Variants in RASL11B observed in about 807,000 individuals in gnomAD.
RASL11B encodes the protein ras-like protein family member 11B.
A neutral mutation model predicts 22.9 loss-of-function variants in RASL11B; 14 were observed. That is an observed-to-expected ratio of 0.61 (90% CI 0.40 to 0.96). The LOEUF (loss-of-function observed/expected upper bound fraction) is 0.96. RASL11B is among the 40% of genes least tolerant of loss of function. RASL11B has a pLI of 0.00. For missense variants in RASL11B, 261 were observed against 322.0 expected (o/e 0.81, Z 1.45); for synonymous variants, 143 against 130.2 (o/e 1.10, Z -0.67).
At chr4:52,863,459 T>C in intron 2 of RASL11B, 135 bp downstream of exon 2, 3 of 695,656 alleles carry the variant, frequency 4.3e-6, no homozygotes, top group Non-Finnish European at 7.6e-6. Flanking sequence ...CTTTCCCCAG[T>C]CCCCAGCCCT....
rs374819132 is a variant in RASL11B, at chr4:52,865,548, C to T, written c.490C>T (p.Pro164Ser). ...CCTGTTGCACATCAAACAGGTTGAC[C>T]CTCAGCTTGGACTGCAGCTAGCCAG... ...ADLLHIKQVD[P>S]QLGLQLASML... The change falls in exon 4 of 4, where the codon CCT becomes TCT. Residue 164 changes from proline (P) to serine (S), a missense_variant. Physicochemically the swap from Pro to Ser is moderately conservative, Grantham distance 74 (BLOSUM62 -1). Transcript: ENST00000248706. 6.8e-6 allele frequency: 11 copies of T among 1,614,056 alleles called. No individual in the cohort carries two copies. The highest frequency in any genetic ancestry group is 8.5e-6 in the Non-Finnish European group (10 of 1,180,046).
chr4:52,862,567 G>T lies in RASL11B; in HGVS notation c.60G>T (p.Ala20=), dbSNP rs778150571. ...AGTACCCCGCGCCGGGCAACGCCGCGGCCTCCGACTGCTGTGTGGGCGCCG... is the reference window on the plus strand; with the variant it reads ...AGTACCCCGCGCCGGGCAACGCCGCTGCCTCCGACTGCTGTGTGGGCGCCG... ...IAEYPAPGNA[A]ASDCCVGAAG... Residue 20 remains alanine, a synonymous_variant, in exon 1 of 4, where the codon GCG becomes GCT. Transcript: ENST00000248706. 10 of 1,604,034 alleles carry T rather than the reference G, an allele frequency of 6.2e-6. No homozygotes were observed. In the South Asian group the frequency reaches 1.1e-4, roughly 18 times the overall value.
Position 52,865,751 on chromosome 4 carries a change from G to A in RASL11B, c.693G>A (p.Lys231=), listed in dbSNP as rs192574771. The A allele has an allele frequency of 3.1e-6, 5 of 1,613,922 alleles. No individual in the cohort carries two copies. Among genetic ancestry groups the A allele is most frequent in the Non-Finnish European group, 4.2e-6 (5 of 1,180,036 alleles). The stretch of plus-strand genomic sequence containing the variant: ...AGTCACCCAACATGCAGGACCTGAA[G>A]AGGAGGTTTAAGCAAGCCCTCTCTG... The part of the protein sequence containing the change: ...RPKSPNMQDL[K]RRFKQALSAK... The change falls in exon 4 of 4, where the codon AAG becomes AAA. Residue 231 remains lysine, a synonymous_variant. Coordinates refer to ENST00000248706, the MANE Select transcript of RASL11B (RefSeq NM_023940.3).
In RASL11B at chr4:52,862,379, T is replaced by G; in HGVS notation, c.-129T>G. 2.3e-4 allele frequency: 65 copies of G among 286,478 alleles called. No individual in the cohort carries two copies. The highest frequency in any genetic ancestry group is 3.0e-4 in the Non-Finnish European group (50 of 167,118). 17.7% of individuals were successfully genotyped at this position (286,478 alleles called of 1,614,324 possible). On this transcript the variant is annotated 5_prime_UTR_variant, in exon 1 of 4. Coordinates refer to ENST00000248706, the MANE Select transcript of RASL11B (RefSeq NM_023940.3). ...CGCTCGGCCCCACCCCGCCCGTACCTGCACTTATTTATTGTTGTTATTTCT... is the reference window on the plus strand; with the variant it reads ...CGCTCGGCCCCACCCCGCCCGTACCGGCACTTATTTATTGTTGTTATTTCT...
intron 2 of RASL11B, 54 bp downstream of exon 2, chr4:52,863,378 C>A: frequency 6.8e-7 from 1 of 1,462,300 alleles, no homozygotes; most frequent in Non-Finnish European, 9.5e-7. Context: ...GACTGCGGTT[C>A]CCATTTTCCA....
At chr4:52,862,851 G>A (rs1718185309) in intron 1 of RASL11B, among the ~76,000 whole-genome samples, 1 of 152,232 alleles carries the variant, frequency 6.6e-6, no homozygotes, top group South Asian at 2.1e-4. Flanking sequence ...CAAGGATCAA[G>A]AATGGCCAGG....
At chr4:52,863,620 C>T (rs996538156) in intron 2 of RASL11B, 1 of 349,698 alleles carries the variant, frequency 2.9e-6, no homozygotes, top group Non-Finnish European at 5.3e-6. Flanking sequence ...AGAACCTCTC[C>T]CTTCAAAACA....
At position 52,865,913 on chromosome 4, in the gene RASL11B, C is replaced by A; in HGVS notation, c.*108C>A. On this transcript the variant is annotated 3_prime_UTR_variant, in exon 4 of 4. Transcript: ENST00000248706. ...CAATGATTCCTGGTTCCAGAAAGGG[C>A]TGGAGCAGAAGGGCCAAGAGGGCCT... 1 of 841,610 alleles carries A rather than the reference C, an allele frequency of 1.2e-6. No homozygotes were observed. Among genetic ancestry groups the A allele is most frequent in the Non-Finnish European group, 1.8e-6 (1 of 542,354 alleles). 52.1% of individuals were successfully genotyped at this position (841,610 alleles called of 1,614,324 possible). A position where few individuals can be genotyped will look rare whatever the true frequency, so the allele number is the denominator to read the frequency against.
rs1718265884 is a variant in RASL11B, at chr4:52,866,597, G to T, written c.*792G>T. 6.6e-6 allele frequency: 1 copy of T among 152,578 alleles called. No individual in the cohort carries two copies. Among genetic ancestry groups the T allele is most frequent in the South Asian group, 2.1e-4 (1 of 4,822 alleles). The allele number at this position is 152,578 out of a possible 1,614,324, so 9.5% of individuals were successfully genotyped here. On this transcript the variant is annotated 3_prime_UTR_variant, in exon 4 of 4. Transcript: ENST00000248706. Reference sequence around the variant, plus strand: ...AACTGTTCCATCAGGAAAAAAATGTGTCAGTTGATTTTGGTGTGACTTGTG... The same window carrying T: ...AACTGTTCCATCAGGAAAAAAATGTTTCAGTTGATTTTGGTGTGACTTGTG...
rs1718172940 is a variant in RASL11B, at chr4:52,862,383, CTTAT to C, written c.-119_-116del. 3.2e-6 allele frequency: 3 copies of C among 925,590 alleles called. No homozygotes were observed. Among genetic ancestry groups the C allele is most frequent in the East Asian group, 6.3e-5 (2 of 31,520 alleles). 57.3% of individuals were successfully genotyped at this position (925,590 alleles called of 1,614,324 possible). ...CGGCCCCACCCCGCCCGTACCTGCA[CTTAT>C]TTATTGTTGTTATTTCTTACCGCGG... On this transcript the variant is annotated 5_prime_UTR_variant, in exon 1 of 4. Transcript: ENST00000248706.
rs548040781 is a variant in RASL11B at position 52,862,524 on chromosome 4, A to T, written c.17A>T (p.Asn6Ile). 148 of 1,605,552 alleles carry T rather than the reference A, an allele frequency of 9.2e-5. No individual in the cohort carries two copies. In the Admixed American group the frequency reaches 2.1e-3, roughly 23 times the overall value. Residue 6 changes from asparagine to isoleucine, a missense_variant, in exon 1 of 4, where the codon AAC (asparagine) becomes ATC (isoleucine). Physicochemically the swap from Asn to Ile is moderately radical, Grantham distance 149 (BLOSUM62 -3). Transcript: ENST00000248706. Reference protein sequence around the residue: MRLIQNMCTIAEYPAP... With the variant: MRLIQIMCTIAEYPAP... Reference sequence around the variant, plus strand: ...GCCGAGGCGATGCGCCTCATTCAGAACATGTGCACCATCGCCGAGTACCCC... The same window carrying T: ...GCCGAGGCGATGCGCCTCATTCAGATCATGTGCACCATCGCCGAGTACCCC...
Position 52,865,798 on chromosome 4 carries a change from C to T in RASL11B, c.740C>T (p.Ser247Phe). 1 of 1,612,890 alleles carries T rather than the reference C, an allele frequency of 6.2e-7. No individual in the cohort carries two copies. The highest frequency in any genetic ancestry group is 2.2e-5 in the East Asian group (1 of 44,884). ...TCTGCCAAAGTGAGGACTGTCACCT[C>T]CGTCTGAAGCAGGAGGAGCACTCAA... ...ALSAKVRTVT[S>F]V Residue 247 changes from serine (S) to phenylalanine (F), a missense_variant, in exon 4 of 4, where the codon TCC becomes TTC. Ser to Phe is a radical substitution (Grantham distance 155). Transcript: ENST00000248706.
In RASL11B at chr4:52,865,700, A is replaced by C; in HGVS notation, c.642A>C (p.Arg214=). 1 of 1,614,112 alleles carries C rather than the reference A, an allele frequency of 6.2e-7. No individual in the cohort carries two copies. The highest frequency in any genetic ancestry group is 8.5e-7 in the Non-Finnish European group (1 of 1,180,020). The stretch of plus-strand genomic sequence containing the variant: ...AGCCTAGCAGTACACCCGAGAAGCG[A>C]AGAACCTCCCTCATTCCCAGGCCCA... ...KQQPSSTPEK[R]RTSLIPRPKS... is the part of the protein sequence containing the mutation. The change falls in exon 4 of 4, where the codon CGA becomes CGC. Residue 214 remains arginine (R), a synonymous_variant. Coordinates refer to ENST00000248706, the MANE Select transcript of RASL11B (RefSeq NM_023940.3).
rs1718252765 is a variant in RASL11B at position 52,866,000 on chromosome 4, G to A, written c.*195G>A. 1.7e-5 allele frequency: 10 copies of A among 593,036 alleles called. No homozygotes were observed. In the African/African-American group the frequency reaches 1.9e-4, roughly 11 times the overall value. 36.7% of individuals were successfully genotyped at this position (593,036 alleles called of 1,614,324 possible). A position where few individuals can be genotyped will look rare whatever the true frequency, so the allele number is the denominator to read the frequency against. Reference sequence around the variant, plus strand: ...CAGGGGGACAGGATTGATGAGGCTTGAAAGAGCCCACTGAGCCACTCTCTG... The same window carrying A: ...CAGGGGGACAGGATTGATGAGGCTTAAAAGAGCCCACTGAGCCACTCTCTG... On this transcript the variant is annotated 3_prime_UTR_variant, in exon 4 of 4. Coordinates refer to ENST00000248706, the MANE Select transcript of RASL11B (RefSeq NM_023940.3).
Position 52,863,297 on chromosome 4 carries a change from T to C in RASL11B, c.172T>C (p.Phe58Leu). Reference protein sequence around the residue: ...ALVVRFLTKRFIGDYERNAGN... With the variant: ...ALVVRFLTKRLIGDYERNAGN... Reference sequence around the variant, plus strand: ...GGTGGTCCGGTTCCTCACCAAACGATTCATCGGTGACTATGAAAGAAATGC... The same window carrying C: ...GGTGGTCCGGTTCCTCACCAAACGACTCATCGGTGACTATGAAAGAAATGC... Residue 58 changes from phenylalanine (F) to leucine (L), a missense_variant, in exon 2 of 4, where the codon TTC (phenylalanine) becomes CTC (leucine). By Grantham distance (22) the Phe-to-Leu change is conservative. Transcript: ENST00000248706. 6.2e-7 allele frequency: 1 copy of C among 1,613,894 alleles called. No homozygotes were observed. The highest frequency in any genetic ancestry group is 2.2e-5 in the East Asian group (1 of 44,886).
At position 52,862,483 on chromosome 4, in the gene RASL11B, C is replaced by A. The variant is rs1031783485; in HGVS notation, c.-25C>A. The A allele has an allele frequency of 5.0e-6, 8 of 1,600,076 alleles. No individual in the cohort carries two copies. Among genetic ancestry groups the A allele is most frequent in the Non-Finnish European group, 6.8e-6 (8 of 1,174,854 alleles). On this transcript the variant is annotated 5_prime_UTR_variant, in exon 1 of 4. Transcript: ENST00000248706. Reference sequence around the variant, plus strand: ...ATTCTCCAGTCCCTCAGTCCCTTCCCGCGCGGTGCGCCGCAGCCGAGGCGA... The same window carrying A: ...ATTCTCCAGTCCCTCAGTCCCTTCCAGCGCGGTGCGCCGCAGCCGAGGCGA...
rs1718179785 is a variant in RASL11B at position 52,862,582 on chromosome 4, T to G, written c.75T>G (p.Cys25Trp). The change falls in exon 1 of 4, where the codon TGT becomes TGG. Residue 25 changes from cysteine (C) to tryptophan (W), a missense_variant. Physicochemically the swap from Cys to Trp is radical, Grantham distance 215 (BLOSUM62 -2). Coordinates refer to ENST00000248706, the MANE Select transcript of RASL11B (RefSeq NM_023940.3). ...APGNAAASDC[C>W]VGAAGRRLVK... is the part of the protein sequence containing the mutation. Reference sequence around the variant, plus strand: ...GCAACGCCGCGGCCTCCGACTGCTGTGTGGGCGCCGCCGGCCGCCGCCTGG... The same window carrying G: ...GCAACGCCGCGGCCTCCGACTGCTGGGTGGGCGCCGCCGGCCGCCGCCTGG... 3.1e-6 allele frequency: 5 copies of G among 1,601,660 alleles called. No individual in the cohort carries two copies. Among genetic ancestry groups the G allele is most frequent in the Non-Finnish European group, 4.2e-6 (5 of 1,176,592 alleles).
rs199697309 is a variant in RASL11B, at chr4:52,864,489, A to G, written c.211A>G (p.Thr71Ala). The G allele has an allele frequency of 4.4e-6, 7 of 1,598,034 alleles. No individual in the cohort carries two copies. The highest frequency in any genetic ancestry group is 2.2e-5 in the East Asian group (1 of 44,822). Residue 71 changes from threonine to alanine, a missense_variant, in exon 3 of 4, where the codon ACT becomes GCT. Physicochemically the swap from Thr to Ala is moderately conservative, Grantham distance 58 (BLOSUM62 0). Coordinates refer to ENST00000248706, the MANE Select transcript of RASL11B (RefSeq NM_023940.3). The part of the protein sequence containing the change: ...DYERNAGNLY[T>A]RQVQIEGETL... ...ATTTGCCTTCATAGGTAATCTCTAT[A>G]CTAGACAAGTTCAGATAGAAGGTGA...
intron 3 of RASL11B, 121 bp downstream of exon 3, chr4:52,864,675 T>C (rs766741867): frequency 1.9e-5 from 14 of 736,270 alleles, no homozygotes; most frequent in Non-Finnish European, 3.5e-5. Context: ...ATCTAGACTT[T>C]TACATGTCTG....
Sources: gnomAD v4.1 joint callset for allele counts (sites outside exome capture counted in the v4.1 genomes callset) on GRCh38, gnomAD v4.1.1 for gene constraint, MANE v1.5 for transcripts, NCBI Gene and HGNC (gene_info 2026-07-23, HGNC 2026-07-21) for gene names.